NPTXR: variants seen among roughly 807,000 people sequenced by gnomAD.
NPTXR encodes neuronal pentraxin receptor.
NPTXR carries 12 observed loss-of-function variants against 32.2 expected under a neutral mutation model. That is an observed-to-expected ratio of 0.37 (90% CI 0.24 to 0.60). The LOEUF is 0.60. Among genes scored for constraint, NPTXR ranks in the 20% least tolerant of loss-of-function variants. The pLI is 0.66. For missense variants in NPTXR, 612 were observed against 682.9 expected (o/e 0.90, Z 1.16); for synonymous variants, 323 against 315.8 (o/e 1.02, Z -0.24).
rs547156429 is a variant in NPTXR, at chr22:38,818,602, CAG to C, written c.*4005_*4006del. The C allele has an allele frequency of 2.5e-4, 38 of 152,554 alleles. No homozygotes were observed. Among genetic ancestry groups the C allele is most frequent in the Middle Eastern group, 6.8e-3 (2 of 296 alleles). 9.5% of individuals were successfully genotyped at this position (152,554 alleles called of 1,614,324 possible). A position where few individuals can be genotyped will look rare whatever the true frequency, so the allele number is the denominator to read the frequency against. On this transcript the variant is annotated 3_prime_UTR_variant, in exon 5 of 5. Coordinates refer to ENST00000333039, the MANE Select transcript of NPTXR (RefSeq NM_014293.4). The surrounding 1 kb of genome is among the most constrained non-coding windows in gnomAD (Gnocchi z 4.5). ...AGCTCATGTCAATTTATGTACAAAA[CAG>C]GGAGAGGAGAAAGGGGCAAGGCTGG...
chr22:38,829,648 A>G (rs185591235), intron 1 of NPTXR, among the ~76,000 whole-genome samples: 1 of 152,132 alleles, frequency 6.6e-6, no homozygotes, highest in Non-Finnish European at 1.5e-5. Flanking sequence ...GGGGCCTGGG[A>G]AGTTTTTGCT....
Position 38,834,900 on chromosome 22 carries a change from A to G in NPTXR, c.625-6388T>C, listed in dbSNP as rs2093121734. ...AGTACGTGGTTGTCACATTACTATT[A>G]TTCTTTGCTGTTATTGAGAGGCAGG... On this transcript the variant is annotated intron_variant, in intron 1 of 4. Coordinates refer to ENST00000333039, the MANE Select transcript of NPTXR (RefSeq NM_014293.4). The surrounding 1 kb of genome is among the most constrained non-coding windows in gnomAD (Gnocchi z 4.4). Among the ~76,000 whole-genome samples the G allele has an allele frequency of 6.6e-6, 1 of 152,186 alleles. No individual in the cohort carries two copies. The highest frequency in any genetic ancestry group is 2.1e-4 in the South Asian group (1 of 4,832).
rs368736692 is a variant in NPTXR, at chr22:38,826,673, C to A, written c.925G>T (p.Val309Leu). 57 of 1,613,996 alleles carry A rather than the reference C, an allele frequency of 3.5e-5. 1 individual carries two copies. The Middle Eastern group carries it at 4.9e-4, about 14-fold the overall frequency. Reference sequence around the variant, plus strand: ...TAGAGCTCGGGCAGAGCCTTCCGCACGCGGGCGTACATGTAGTTGTTACGG... The same window carrying A: ...TAGAGCTCGGGCAGAGCCTTCCGCAAGCGGGCGTACATGTAGTTGTTACGG... The change falls in exon 3 of 5, where the codon GTG becomes TTG. Residue 309 changes from valine to leucine, a missense_variant. Val to Leu is a conservative substitution (Grantham distance 32, BLOSUM62 1). Coordinates refer to ENST00000333039, the MANE Select transcript of NPTXR (RefSeq NM_014293.4).
At chr22:38,829,955 G>A (rs1443673936) in intron 1 of NPTXR, among the ~76,000 whole-genome samples, 3 of 152,196 alleles carry the variant, frequency 2.0e-5, no homozygotes, top group African/African-American at 7.2e-5. Flanking sequence ...ACTGCTGGTG[G>A]CTGCTGTGAC....
chr22:38,843,440 TG>T lies in NPTXR; in HGVS notation c.418del (p.Gln140ArgfsTer76). The T allele has an allele frequency of 1.4e-6, 2 of 1,382,794 alleles. No homozygotes were observed. Among genetic ancestry groups the T allele is most frequent in the South Asian group, 1.7e-5 (1 of 59,750 alleles). The allele number at this position is 1,382,794 out of a possible 1,614,324, so 85.7% of individuals were successfully genotyped here. A position where few individuals can be genotyped will look rare whatever the true frequency, so the allele number is the denominator to read the frequency against. On this transcript the variant is annotated frameshift_variant, in exon 1 of 5. Transcript: ENST00000333039. LOFTEE classifies it high-confidence loss of function. This position sits in a 1 kb window ranked among gnomAD's most constrained non-coding sequence, Gnocchi z 5.3. ...CTGGTCGGCGCGGATGCGCGCCTCC[TG>T]CTGCAGCGCCGTCTGGCGCAGCTGC...
chr22:38,833,360 G>A (rs2093119184), intron 1 of NPTXR, among the ~76,000 whole-genome samples: 1 of 152,218 alleles, frequency 6.6e-6, no homozygotes, highest in African/African-American at 2.4e-5. Context: ...AGGACCAGGT[G>A]GAAAGTGAGC....
rs906126106 is a variant in NPTXR at position 38,820,523 on chromosome 22, G to A, written c.*2086C>T. 6.6e-6 allele frequency: 1 copy of A among 152,184 alleles called. No homozygotes were observed. Among genetic ancestry groups the A allele is most frequent in the East Asian group, 1.9e-4 (1 of 5,180 alleles). The allele number at this position is 152,184 out of a possible 1,614,324, so 9.4% of individuals were successfully genotyped here. On this transcript the variant is annotated 3_prime_UTR_variant, in exon 5 of 5. Transcript: ENST00000333039. ...CACCTGGTAGGTGACTAGCAGGGGA[G>A]GGACACCTCAGCTCTCCATTCTGCC...
intron 1 of NPTXR, among the ~76,000 whole-genome samples, chr22:38,832,406 C>G (rs1303038197): frequency 6.6e-6 from 1 of 152,240 alleles, no homozygotes; most frequent in Non-Finnish European, 1.5e-5. Context: ...GGCTGGGAAC[C>G]CATGGCCTGT....
At chr22:38,826,418 G>T in intron 3 of NPTXR, 82 bp downstream of exon 3, 1 of 1,466,812 alleles carries the variant, frequency 6.8e-7, no homozygotes, top group Non-Finnish European at 9.2e-7. Context: ...ATGAGCAGGA[G>T]AATGAAAGAG....
chr22:38,840,698 G>A (rs1407933545), intron 1 of NPTXR, among the ~76,000 whole-genome samples: 1 of 152,162 alleles, frequency 6.6e-6, no homozygotes, highest in Non-Finnish European at 1.5e-5. Context: ...GCTTGGGAAG[G>A]AAACCTGGGC....
rs1306127665 is a variant in NPTXR, at chr22:38,828,319, A to G, written c.818T>C (p.Val273Ala). 2 of 1,613,472 alleles carry G rather than the reference A, an allele frequency of 1.2e-6. No individual in the cohort carries two copies. ...CAGCTCAGCCACACGACCCTGCAGG[A>G]CGTCCAACTCCTTTTCCACTTCCTG... The change falls in exon 2 of 5, where the codon GTC becomes GCC. Residue 273 changes from valine to alanine, a missense_variant. By Grantham distance (64) the Val-to-Ala change is moderately conservative (BLOSUM62 0). Coordinates refer to ENST00000333039, the MANE Select transcript of NPTXR (RefSeq NM_014293.4).
chr22:38,843,538 G>A lies in NPTXR; in HGVS notation c.321C>T (p.Ala107=). Residue 107 remains alanine (A), a synonymous_variant, in exon 1 of 5, where the codon GCC becomes GCT. Transcript: ENST00000333039. The surrounding 1 kb of genome is among the most constrained non-coding windows in gnomAD (Gnocchi z 5.3). ...CAGCGCCCGCCGCGTCCCCCTGCTG[G>A]GCCCCCGACGGGCAGGCAGCAGCCA... is the stretch of plus-strand genomic sequence containing the variant. 1 of 1,249,020 alleles carries A rather than the reference G, an allele frequency of 8.0e-7. No individual in the cohort carries two copies. The highest frequency in any genetic ancestry group is 1.0e-6 in the Non-Finnish European group (1 of 998,138). 77.4% of individuals were successfully genotyped at this position (1,249,020 alleles called of 1,614,324 possible).
In NPTXR at chr22:38,822,477, G is replaced by A; in HGVS notation, c.*132C>T. On this transcript the variant is annotated 3_prime_UTR_variant, in exon 5 of 5. Transcript: ENST00000333039. Reference sequence around the variant, plus strand: ...TTCTGGAGGTGTGGGTACAGGTGAGGGGAAATGGGAGGCACAGCCAGGAGT... The same window carrying A: ...TTCTGGAGGTGTGGGTACAGGTGAGAGGAAATGGGAGGCACAGCCAGGAGT... The A allele has an allele frequency of 1.3e-6, 1 of 753,754 alleles. No individual in the cohort carries two copies. The highest frequency in any genetic ancestry group is 1.7e-5 in the South Asian group (1 of 58,860). 46.7% of individuals were successfully genotyped at this position (753,754 alleles called of 1,614,324 possible). A position where few individuals can be genotyped will look rare whatever the true frequency, so the allele number is the denominator to read the frequency against.
At position 38,838,202 on chromosome 22, in the gene NPTXR, T is replaced by C. The variant is rs542013794; in HGVS notation, c.624+5033A>G. On this transcript the variant is annotated intron_variant, in intron 1 of 4. Transcript: ENST00000333039. ...GCTGGAAGCATGTTTCGGGCGTATC[T>C]GGCCTGCTATATCATTCTTTGTATG... is the stretch of plus-strand genomic sequence containing the variant. Among the ~76,000 whole-genome samples the C allele has an allele frequency of 4.8e-3, 660 of 136,140 alleles. 2 individuals carry two copies. The highest frequency in any genetic ancestry group is 7.0e-3 in the Non-Finnish European group (466 of 66,382). The allele number at this position is 136,140 out of a possible 152,430, so 89.3% of individuals were successfully genotyped here.
At chr22:38,830,078 C>A (rs2093113809) in intron 1 of NPTXR, among the ~76,000 whole-genome samples, 1 of 152,174 alleles carries the variant, frequency 6.6e-6, no homozygotes, top group African/African-American at 2.4e-5. Flanking sequence ...GTGCTGGGGG[C>A]AAAGGACCAC....
At chr22:38,829,187 G>A (rs931158505) in intron 1 of NPTXR, among the ~76,000 whole-genome samples, 1 of 152,216 alleles carries the variant, frequency 6.6e-6, no homozygotes. Flanking sequence ...GCACCTATTT[G>A]GAGAGTTGTG....
At position 38,843,264 on chromosome 22, in the gene NPTXR, C is replaced by T. The variant is rs957267172; in HGVS notation, c.595G>A (p.Ala199Thr). The T allele has an allele frequency of 6.3e-6, 9 of 1,424,732 alleles. No individual in the cohort carries two copies. The African/African-American group carries it at 1.0e-4, about 17-fold the overall frequency. The allele number at this position is 1,424,732 out of a possible 1,614,324, so 88.3% of individuals were successfully genotyped here. ...AGGCGGTCGATGCGGTCCCGCAGGG[C>T]GCGCACGGCGTCCTCCAGCTCCAGA... Residue 199 changes from alanine (A) to threonine (T), a missense_variant, in exon 1 of 5, where the codon GCC (alanine) becomes ACC (threonine). Ala to Thr is a moderately conservative substitution (Grantham distance 58, BLOSUM62 0). Transcript: ENST00000333039. The surrounding 1 kb of genome is among the most constrained non-coding windows in gnomAD (Gnocchi z 5.3).
At chr22:38,838,574 T>C (rs9611035) in intron 1 of NPTXR, among the ~76,000 whole-genome samples, 2,996 of 23,350 alleles carry the variant, frequency 0.13, 111 homozygotes, top group East Asian at 0.25. Flanking sequence ...CACCTGGCTA[T>C]TTTTTTTTTT....
intron 1 of NPTXR, among the ~76,000 whole-genome samples, chr22:38,832,993 C>T (rs982459291): frequency 6.6e-6 from 1 of 152,106 alleles, no homozygotes; most frequent in Admixed American, 6.6e-5. Context: ...GCAGGGAAAC[C>T]CCATCACCTT....
Sources: gnomAD v4.1 joint callset for allele counts (sites outside exome capture counted in the v4.1 genomes callset) on GRCh38, gnomAD v4.1.1 for gene constraint, Gnocchi (gnomAD v3.1) non-coding constraint, MANE v1.5 for transcripts, NCBI Gene and HGNC (gene_info 2026-07-23, HGNC 2026-07-21) for gene names.